The following CAMTA1 variants were observed in gnomAD, a reference collection of about 807,000 sequenced individuals.
The protein encoded by CAMTA1 is calmodulin-binding transcription activator 1.
CAMTA1 carries 27 observed loss-of-function variants against 170.9 expected under a neutral mutation model. The observed-to-expected ratio is 0.16, with a 90% CI of 0.12 to 0.22. CAMTA1 has a LOEUF of 0.22. Among genes scored for constraint, CAMTA1 ranks in the 10% least tolerant of loss-of-function variants. The pLI is 1.00. For missense variants in CAMTA1, 1,619 were observed against 2,217.2 expected (o/e 0.73, Z 5.42); for synonymous variants, 833 against 891.5 (o/e 0.93, Z 1.17).
At chr1:6,881,694 A>T (rs28377743) in intron 3 of CAMTA1, among the ~76,000 whole-genome samples, 1 of 152,206 alleles carries the variant, frequency 6.6e-6, no homozygotes, top group South Asian at 2.1e-4. Context: ...TGGGCTGGGC[A>T]TGATGGCTCA....
intron 4 of CAMTA1, among the ~76,000 whole-genome samples, chr1:7,204,558 A>G (rs193124427): frequency 6.6e-6 from 1 of 152,178 alleles, no homozygotes; most frequent in Admixed American, 6.5e-5. Context: ...TTATTGAGGT[A>G]TGTTTTATGG....
intron 5 of CAMTA1, chr1:7,441,267 CA>C (rs1228840795): frequency 6.6e-6 from 1 of 152,252 alleles, no homozygotes; most frequent in Non-Finnish European, 1.5e-5. Context: ...CAATGTCCCC[CA>C]GGGGCACACA....
rs72867177 is a variant in CAMTA1 at position 7,640,011 on chromosome 1, G to A, written c.511-389G>A. On this transcript the variant is annotated intron_variant, in intron 6 of 22. Coordinates refer to ENST00000303635, the MANE Select transcript of CAMTA1 (RefSeq NM_015215.4). ...GTGGCTGTGGTGCGAGGTCAGGGAT[G>A]TTGGGCTGGAGGGAATTTGACCTCA... Among the ~76,000 whole-genome samples the A allele has an allele frequency of 9.3e-3, 1,418 of 152,292 alleles. 24 individuals are homozygous for A. Among genetic ancestry groups the A allele is most frequent in the African/African-American group, 0.032 (1,318 of 41,562 alleles).
intron 4 of CAMTA1, among the ~76,000 whole-genome samples, chr1:7,235,270 G>A (rs185826393): frequency 2.0e-4 from 30 of 152,224 alleles, no homozygotes; most frequent in African/African-American, 6.7e-4. Context: ...GCGAGGATTC[G>A]ATGAGACTGA....
intron 3 of CAMTA1, among the ~76,000 whole-genome samples, chr1:6,902,039 T>TCACACA (rs536174579): frequency 0.022 from 2,530 of 114,240 alleles, 79 homozygotes; most frequent in East Asian, 0.068. Flanking sequence ...GGTGAGACTG[T>TCACACA]CACACACACA....
At chr1:7,112,313 C>G (rs1246861833) in intron 4 of CAMTA1, among the ~76,000 whole-genome samples, 1 of 152,224 alleles carries the variant, frequency 6.6e-6, no homozygotes, top group Non-Finnish European at 1.5e-5. Flanking sequence ...GTATCCCTCA[C>G]AATTCCTGTG....
intron 6 of CAMTA1, among the ~76,000 whole-genome samples, chr1:7,515,109 G>T (rs998212680): frequency 2.0e-5 from 3 of 149,222 alleles, no homozygotes; most frequent in Non-Finnish European, 3.0e-5. Context: ...GGATCATCAG[G>T]CTGGTCCTCC....
At position 7,655,111 on chromosome 1, in the gene CAMTA1, CA is replaced by C. The variant is rs1226757793; in HGVS notation, c.665-6614del. Among the ~76,000 whole-genome samples, 43 of 84,986 alleles carry C rather than the reference CA, an allele frequency of 5.1e-4. 1 individual carries two copies. Among genetic ancestry groups the C allele is most frequent in the East Asian group, 2.3e-3 (3 of 1,286 alleles). 55.8% of individuals were successfully genotyped at this position (84,986 alleles called of 152,430 possible). A position where few individuals can be genotyped will look rare whatever the true frequency, so the allele number is the denominator to read the frequency against. ...ACCTATACACACACACCTATACACA[CA>C]CCTATACACACACCTCTATACACAC... On this transcript the variant is annotated intron_variant, in intron 7 of 22. Coordinates refer to ENST00000303635, the MANE Select transcript of CAMTA1 (RefSeq NM_015215.4).
intron 6 of CAMTA1, among the ~76,000 whole-genome samples, chr1:7,625,376 G>A (rs1050289087): frequency 3.3e-5 from 5 of 152,266 alleles, no homozygotes; most frequent in Non-Finnish European, 5.9e-5. Context: ...TGGCCATGGA[G>A]TCACAGTGGC....
intron 3 of CAMTA1, among the ~76,000 whole-genome samples, chr1:7,058,599 G>A (rs1245150115): frequency 6.6e-6 from 1 of 152,156 alleles, no homozygotes; most frequent in African/African-American, 2.4e-5. Context: ...GTAGGGAGGA[G>A]GGGGTGCCTC....
intron 6 of CAMTA1, among the ~76,000 whole-genome samples, chr1:7,626,938 C>T (rs528230649): frequency 1.3e-5 from 2 of 152,260 alleles, no homozygotes; most frequent in African/African-American, 4.8e-5. Context: ...AGGAAGAGGA[C>T]AGTGCTTACT....
chr1:7,122,505 C>T (rs1209689660), intron 4 of CAMTA1, among the ~76,000 whole-genome samples: 1 of 152,086 alleles, frequency 6.6e-6, no homozygotes, highest in Non-Finnish European at 1.5e-5. Context: ...ACACGTGCCC[C>T]TGAGGGATGG....
intron 3 of CAMTA1, among the ~76,000 whole-genome samples, chr1:6,860,711 GAC>G: frequency 6.6e-6 from 1 of 152,170 alleles, no homozygotes; most frequent in Middle Eastern, 3.4e-3. Flanking sequence ...AGGAGTTCAA[GAC>G]CAGCCTGGCC....
rs1037303898 is a variant in CAMTA1 at position 7,767,009 on chromosome 1, A to C, written c.*518A>C. Reference sequence around the variant, plus strand: ...AGTGGAGGGCTTAGATCATACAAAAATCTTTATTGGGTCCGTGTGTTCTCA... The same window carrying C: ...AGTGGAGGGCTTAGATCATACAAAACTCTTTATTGGGTCCGTGTGTTCTCA... On this transcript the variant is annotated 3_prime_UTR_variant, in exon 23 of 23. Transcript: ENST00000303635. 1.3e-5 allele frequency: 2 copies of C among 153,160 alleles called. No individual in the cohort carries two copies. Among genetic ancestry groups the C allele is most frequent in the African/African-American group, 4.8e-5 (2 of 41,446 alleles). The allele number at this position is 153,160 out of a possible 1,614,324, so 9.5% of individuals were successfully genotyped here. A position where few individuals can be genotyped will look rare whatever the true frequency, so the allele number is the denominator to read the frequency against.
chr1:7,434,419 G>T lies in CAMTA1; in HGVS notation c.439-33411G>T, dbSNP rs12095680. ...CCATAGGGTGGCTAGGCAGTGATGG[G>T]TTGGCCACCCCTGGGGCTTAGGAGG... On this transcript the variant is annotated intron_variant, in intron 5 of 22. Coordinates refer to ENST00000303635, the MANE Select transcript of CAMTA1 (RefSeq NM_015215.4). Among the ~76,000 whole-genome samples the T allele has an allele frequency of 2.6e-3, 401 of 151,906 alleles. 1 individual carries two copies. The highest frequency in any genetic ancestry group is 5.0e-3 in the Non-Finnish European group (340 of 67,994).
intron 11 of CAMTA1, among the ~76,000 whole-genome samples, chr1:7,730,922 CTCTCTCTATATA>C (rs1051887709): frequency 7.5e-5 from 8 of 106,610 alleles, no homozygotes; most frequent in African/African-American, 2.2e-4. Flanking sequence ...CTCTCTCTCT[CTCTCTCTATATA>C]TATATATATA....
At position 7,663,528 on chromosome 1, in the gene CAMTA1, C is replaced by T. The variant is rs3737906; in HGVS notation, c.981C>T (p.Asn327=). ...HSKGSSREKR[N]GKVAKPVLLH... is the part of the protein sequence containing the mutation. Reference sequence around the variant, plus strand: ...AGGGCTCCAGCCGTGAGAAGAGGAACGGCAAGGTGGCCAAGCCCGTGCTCC... The same window carrying T: ...AGGGCTCCAGCCGTGAGAAGAGGAATGGCAAGGTGGCCAAGCCCGTGCTCC... Residue 327 remains asparagine (N), a synonymous_variant, in exon 9 of 23, where the codon AAC becomes AAT. Transcript: ENST00000303635. 0.13 allele frequency: 208,867 copies of T among 1,603,384 alleles called. 15,172 individuals carry two copies. Among genetic ancestry groups the T allele is most frequent in the Non-Finnish European group, 0.15 (175,249 of 1,171,612 alleles).
At position 7,736,653 on chromosome 1, in the gene CAMTA1, G is replaced by A. The variant is rs553321932; in HGVS notation, c.3263+113G>A. 244 of 1,031,484 alleles carry A rather than the reference G, an allele frequency of 2.4e-4. No individual in the cohort carries two copies. In the African/African-American group the frequency reaches 2.7e-3, roughly 11 times the overall value. The allele number at this position is 1,031,484 out of a possible 1,614,324, so 63.9% of individuals were successfully genotyped here. A position where few individuals can be genotyped will look rare whatever the true frequency, so the allele number is the denominator to read the frequency against. On this transcript the variant is annotated intron_variant, in intron 13 of 22. Coordinates refer to ENST00000303635, the MANE Select transcript of CAMTA1 (RefSeq NM_015215.4). The surrounding 1 kb of genome is among the most constrained non-coding windows in gnomAD (Gnocchi z 4.5). ...TACCCATTCAGTCCACTTTATAGCCGGCGAGCAAAGGGCTTTGTCCTTGGA... is the reference window on the plus strand; with the variant it reads ...TACCCATTCAGTCCACTTTATAGCCAGCGAGCAAAGGGCTTTGTCCTTGGA...
rs761561697 is a variant in CAMTA1, at chr1:7,510,037, G to A, written c.510+42136G>A. Among the ~76,000 whole-genome samples, 8 of 142,414 alleles carry A rather than the reference G, an allele frequency of 5.6e-5. 1 individual carries two copies. Among genetic ancestry groups the A allele is most frequent in the Non-Finnish European group, 6.2e-5 (4 of 64,196 alleles). 93.4% of individuals were successfully genotyped at this position (142,414 alleles called of 152,430 possible). A position where few individuals can be genotyped will look rare whatever the true frequency, so the allele number is the denominator to read the frequency against. Reference sequence around the variant, plus strand: ...ACAAAAAAAAAAAACACTGTCCTCCGAGGCCATCCAGGCCCCCTTTGTACA... The same window carrying A: ...ACAAAAAAAAAAAACACTGTCCTCCAAGGCCATCCAGGCCCCCTTTGTACA... On this transcript the variant is annotated intron_variant, in intron 6 of 22. Transcript: ENST00000303635.
Sources: allele counts gnomAD v4.1 joint callset (sites outside exome capture counted in the v4.1 genomes callset), GRCh38; gene constraint gnomAD v4.1.1; non-coding constraint Gnocchi (gnomAD v3.1); transcripts MANE v1.5; gene names NCBI Gene and HGNC (gene_info 2026-07-23, HGNC 2026-07-21).